Variants in KCNIP1 observed in about 807,000 individuals in gnomAD.
KCNIP1 encodes A-type potassium channel modulatory protein KCNIP1.
A neutral mutation model predicts 33.0 loss-of-function variants in KCNIP1; 18 were observed. The observed-to-expected ratio is 0.55, with a 90% CI of 0.38 to 0.81. The LOEUF is 0.81. Ranked by LOEUF, KCNIP1 falls within the 30% of genes least tolerant of loss-of-function variation. The pLI, the probability that KCNIP1 is intolerant of heterozygous loss-of-function variation, is 0.00. For missense variants in KCNIP1, 238 were observed against 271.6 expected (o/e 0.88, Z 0.87); for synonymous variants, 93 against 98.3 (o/e 0.95, Z 0.32).
Position 170,718,778 on chromosome 5 carries a change from G to A in KCNIP1, c.82G>A (p.Glu28Lys). Residue 28 changes from glutamate (E) to lysine (K), a missense_variant, in exon 2 of 8, where the codon GAG (glutamate) becomes AAG (lysine). Glu to Lys is a moderately conservative substitution (Grantham distance 56). Transcript: ENST00000328939. ...PSKDKIEDEL[E>K]MTMVCHRPEG... is the part of the protein sequence containing the mutation. ...TCCAGATAAGATTGAAGATGAGCTG[G>A]AGATGACCATGGTTTGCCATCGGCC... is the stretch of plus-strand genomic sequence containing the variant. 10 of 1,613,354 alleles carry A rather than the reference G, an allele frequency of 6.2e-6. No homozygotes were observed. The highest frequency in any genetic ancestry group is 8.5e-6 in the Non-Finnish European group (10 of 1,179,738).
chr5:170,489,742 C>T lies in KCNIP1; in HGVS notation c.88+135778C>T, dbSNP rs1428953674. Among the ~76,000 whole-genome samples the T allele has an allele frequency of 6.6e-6, 1 of 152,296 alleles. No individual in the cohort carries two copies. Among genetic ancestry groups the T allele is most frequent in the Non-Finnish European group, 1.5e-5 (1 of 68,016 alleles). On this transcript the variant is annotated intron_variant, in intron 1 of 7. Transcript: ENST00000377360. The surrounding 1 kb of genome is among the most constrained non-coding windows in gnomAD (Gnocchi z 4.3). ...CAGAAGTTACCCCCTTTACAACTGA[C>T]GGGAGCTATCCTGGGGAATGAAGCC...
chr5:170,356,609 C>A (rs1188115574), intron 1 of KCNIP1, among the ~76,000 whole-genome samples: 1 of 152,234 alleles, frequency 6.6e-6, no homozygotes, highest in African/African-American at 2.4e-5. Flanking sequence ...TTGTGGTCTG[C>A]ATTCCCTTTA....
intron 1 of KCNIP1, among the ~76,000 whole-genome samples, chr5:170,551,874 G>A (rs1303127964): frequency 6.6e-6 from 1 of 151,984 alleles, no homozygotes; most frequent in African/African-American, 2.4e-5. Flanking sequence ...TTGAGTGTGT[G>A]TGTGTATATG....
intron 1 of KCNIP1, among the ~76,000 whole-genome samples, chr5:170,406,388 C>T (rs776325559): frequency 2.0e-5 from 3 of 152,212 alleles, no homozygotes; most frequent in Admixed American, 6.5e-5. Context: ...ATCACCTACC[C>T]ATTATTGGTC....
intron 1 of KCNIP1, among the ~76,000 whole-genome samples, chr5:170,568,159 T>C (rs1757265127): frequency 6.6e-6 from 1 of 152,186 alleles, no homozygotes; most frequent in South Asian, 2.1e-4. Context: ...AAATGTGTTG[T>C]TGTGGTTGCC....
intron 1 of KCNIP1, among the ~76,000 whole-genome samples, chr5:170,685,733 C>A (rs902549525): frequency 1.3e-5 from 2 of 152,066 alleles, no homozygotes; most frequent in Non-Finnish European, 2.9e-5. Flanking sequence ...AGGTGATCCA[C>A]CCACCTCGGC....
chr5:170,703,414 T>C (rs1185734321), intron 1 of KCNIP1, among the ~76,000 whole-genome samples: 1 of 138,112 alleles, frequency 7.2e-6, no homozygotes, highest in Non-Finnish European at 1.5e-5. Flanking sequence ...ATTTCAGATT[T>C]CTAAAGGAAA....
At chr5:170,443,125 G>A (rs1413041525) in intron 1 of KCNIP1, among the ~76,000 whole-genome samples, 1 of 152,158 alleles carries the variant, frequency 6.6e-6, no homozygotes, top group Non-Finnish European at 1.5e-5. Flanking sequence ...TCCATGGTAG[G>A]CACCCCTCTT....
At chr5:170,608,894 G>T (rs1427676668) in intron 1 of KCNIP1, among the ~76,000 whole-genome samples, 1 of 152,128 alleles carries the variant, frequency 6.6e-6, no homozygotes, top group African/African-American at 2.4e-5. Flanking sequence ...AGAGTTAAAA[G>T]TCCAAGTGGG....
chr5:170,524,055 T>G (rs1453227014), intron 1 of KCNIP1, among the ~76,000 whole-genome samples: 1 of 152,108 alleles, frequency 6.6e-6, no homozygotes, highest in Non-Finnish European at 1.5e-5. Flanking sequence ...TGCCCTGGCT[T>G]TCTTGTGGTG....
chr5:170,659,392 C>T (rs1209908224), intron 1 of KCNIP1, among the ~76,000 whole-genome samples: 2 of 152,124 alleles, frequency 1.3e-5, no homozygotes, highest in African/African-American at 4.8e-5. Context: ...GAGGGGAATA[C>T]AAGGGAGACT....
chr5:170,508,954 CT>C lies in KCNIP1; in HGVS notation c.61+4322del, dbSNP rs1313922647. On this transcript the variant is annotated intron_variant, in intron 1 of 7. Coordinates refer to ENST00000328939, the MANE Select transcript of KCNIP1 (RefSeq NM_014592.4). ...AGGTCAGGGTTCTTGGGGGTAGGAGCTCGTCTAACTCATCCTTCACAACTCT... is the reference window on the plus strand; with the variant it reads ...AGGTCAGGGTTCTTGGGGGTAGGAGCCGTCTAACTCATCCTTCACAACTCT... 3.9e-5 allele frequency among the ~76,000 whole-genome samples: 6 copies of C among 152,266 alleles called. No homozygotes were observed. In the South Asian group the frequency reaches 6.2e-4, roughly 16 times the overall value.
At chr5:170,394,695 C>T (rs1486729110) in intron 1 of KCNIP1, among the ~76,000 whole-genome samples, 1 of 152,178 alleles carries the variant, frequency 6.6e-6, no homozygotes, top group Admixed American at 6.5e-5. Context: ...TTGATCCCAT[C>T]ACTGATAGAG....
chr5:170,725,528 G>C (rs1170007128), intron 5 of KCNIP1, among the ~76,000 whole-genome samples: 3 of 152,144 alleles, frequency 2.0e-5, no homozygotes, highest in African/African-American at 4.8e-5. Context: ...AAGGATAGTA[G>C]GGGGGCTGTG....
intron 5 of KCNIP1, among the ~76,000 whole-genome samples, chr5:170,723,836 A>C (rs905864736): frequency 1.3e-5 from 2 of 152,228 alleles, no homozygotes; most frequent in Non-Finnish European, 2.9e-5. Context: ...AGTTATACAA[A>C]AAGCCAGGAA....
intron 1 of KCNIP1, among the ~76,000 whole-genome samples, chr5:170,658,431 A>C (rs1038962679): frequency 6.6e-6 from 1 of 152,122 alleles, no homozygotes; most frequent in African/African-American, 2.4e-5. Context: ...TTCACCCACA[A>C]ATTTATTAAC....
intron 1 of KCNIP1, among the ~76,000 whole-genome samples, chr5:170,397,434 G>C (rs1754789541): frequency 6.6e-6 from 1 of 152,182 alleles, no homozygotes; most frequent in Non-Finnish European, 1.5e-5. Flanking sequence ...CCCTGTGTAT[G>C]TGGCTTTGGG....
chr5:170,597,789 ATATATATATATATATATAT>A (rs1758502063), intron 1 of KCNIP1, among the ~76,000 whole-genome samples: 5 of 2,278 alleles, frequency 2.2e-3, no homozygotes, highest in African/African-American at 2.7e-3. Flanking sequence ...AGATAAATAT[ATATATATATATATATATAT>A]ATATATATAT....
At chr5:170,597,785 AT>A (rs1283634729) in intron 1 of KCNIP1, among the ~76,000 whole-genome samples, 3 of 306 alleles carry the variant, frequency 9.8e-3, no homozygotes, top group Non-Finnish European at 0.025. Context: ...AGAGAGATAA[AT>A]ATATATATAT....
Sources: allele counts gnomAD v4.1 joint callset (sites outside exome capture counted in the v4.1 genomes callset), GRCh38; gene constraint gnomAD v4.1.1; non-coding constraint Gnocchi (gnomAD v3.1); transcripts MANE v1.5; gene names NCBI Gene and HGNC (gene_info 2026-07-23, HGNC 2026-07-21).